KIF26B: variants seen among roughly 807,000 people sequenced by gnomAD.
The protein encoded by KIF26B is kinesin family member 26B.
KIF26B carries 63 observed loss-of-function variants against 151.2 expected under a neutral mutation model. The observed-to-expected ratio is 0.42, with a 90% CI of 0.34 to 0.51. KIF26B has a LOEUF of 0.51. Among genes scored for constraint, KIF26B ranks in the 20% least tolerant of loss-of-function variants. The probability of loss-of-function intolerance (pLI) is 0.07; values close to 1 mark genes in which losing one functional copy is unlikely to be tolerated. For synonymous variants in KIF26B, 1,357 were observed against 1,262.1 expected (o/e 1.08, Z -1.59); for missense variants, 2,813 against 2,913.6 (o/e 0.97, Z 0.79).
At chr1:245,629,214 C>T (rs2043755188) in intron 9 of KIF26B, among the ~76,000 whole-genome samples, 1 of 152,118 alleles carries the variant, frequency 6.6e-6, no homozygotes, top group Admixed American at 6.5e-5. Context: ...TCAAACTACA[C>T]TGACAGTCTT....
intron 4 of KIF26B, among the ~76,000 whole-genome samples, chr1:245,425,611 T>C (rs930301780): frequency 6.6e-6 from 1 of 152,198 alleles, no homozygotes; most frequent in Non-Finnish European, 1.5e-5. Flanking sequence ...TTCACCGTGT[T>C]GGCCAAGATG....
chr1:245,520,741 C>T (rs1558197429), intron 4 of KIF26B, among the ~76,000 whole-genome samples: 1 of 152,276 alleles, frequency 6.6e-6, no homozygotes, highest in East Asian at 1.9e-4. Flanking sequence ...GCCTCACTCT[C>T]ATGGAACTTA....
rs1669702413 is a variant in KIF26B, at chr1:245,218,917, T to C, written c.465+62234T>C. ...GACCTGAAACCCTTTCCCCGGTTCT[T>C]GTTGGCATTTCTGACTTTGCCATTT... On this transcript the variant is annotated intron_variant, in intron 2 of 14. Transcript: ENST00000407071. The surrounding 1 kb of genome is among the most constrained non-coding windows in gnomAD (Gnocchi z 4.1). Among the ~76,000 whole-genome samples, 1 of 152,072 alleles carries C rather than the reference T, an allele frequency of 6.6e-6. No individual in the cohort carries two copies. Among genetic ancestry groups the C allele is most frequent in the African/African-American group, 2.4e-5 (1 of 41,422 alleles).
chr1:245,365,639 T>C (rs936443842), intron 2 of KIF26B, among the ~76,000 whole-genome samples: 14 of 152,094 alleles, frequency 9.2e-5, no homozygotes, highest in African/African-American at 3.4e-4. Flanking sequence ...TAAATAAGCC[T>C]TGAGATGAGC....
intron 2 of KIF26B, among the ~76,000 whole-genome samples, chr1:245,197,782 A>G (rs1669220960): frequency 6.6e-6 from 1 of 152,196 alleles, no homozygotes; most frequent in Admixed American, 6.5e-5. Context: ...TTTAATGCCC[A>G]AAAGTAAAGT....
In KIF26B at chr1:245,213,430, C is replaced by G. The variant is rs142791283; in HGVS notation, c.465+56747C>G. The stretch of plus-strand genomic sequence containing the variant: ...TCTTTTAGCCAAAGCTGTGTTCCCT[C>G]TCTTTCTGAGAAGAGGGATCAGCAA... On this transcript the variant is annotated intron_variant, in intron 2 of 14. Coordinates refer to ENST00000407071, the MANE Select transcript of KIF26B (RefSeq NM_018012.4). Among the ~76,000 whole-genome samples, 13 of 152,354 alleles carry G rather than the reference C, an allele frequency of 8.5e-5. No homozygotes were observed. In the East Asian group the frequency reaches 2.3e-3, roughly 27 times the overall value.
intron 2 of KIF26B, among the ~76,000 whole-genome samples, chr1:245,191,601 T>G (rs2103533167): frequency 6.6e-6 from 1 of 152,308 alleles, no homozygotes; most frequent in South Asian, 2.1e-4. Context: ...CAGGTTTGAC[T>G]ACATAAAAAT....
intron 4 of KIF26B, among the ~76,000 whole-genome samples, chr1:245,538,999 A>G (rs1661543969): frequency 6.6e-6 from 1 of 152,050 alleles, no homozygotes; most frequent in Non-Finnish European, 1.5e-5. Context: ...AAGGGTAGCA[A>G]TGAGATGAAA....
At chr1:245,158,919 A>G (rs1668491054) in intron 2 of KIF26B, among the ~76,000 whole-genome samples, 1 of 152,028 alleles carries the variant, frequency 6.6e-6, no homozygotes, top group South Asian at 2.1e-4. Context: ...AATTTCCATT[A>G]TACCTTTAGC....
At chr1:245,427,059 C>T (rs752814926) in intron 4 of KIF26B, among the ~76,000 whole-genome samples, 3 of 152,190 alleles carry the variant, frequency 2.0e-5, no homozygotes, top group Admixed American at 6.5e-5. Flanking sequence ...CTGTCAGGTA[C>T]AGTTCCCTTT....
intron 5 of KIF26B, among the ~76,000 whole-genome samples, chr1:245,546,766 G>T (rs1009079402): frequency 6.6e-6 from 1 of 152,170 alleles, no homozygotes; most frequent in Non-Finnish European, 1.5e-5. Flanking sequence ...GGCGGGAACG[G>T]CATAAATAAT....
chr1:245,164,144 T>C (rs952713887), intron 2 of KIF26B, among the ~76,000 whole-genome samples: 1 of 152,226 alleles, frequency 6.6e-6, no homozygotes, highest in African/African-American at 2.4e-5. Flanking sequence ...CCTACTTTAG[T>C]GTTTTATTAG....
intron 11 of KIF26B, 88 bp from the exon 12 acceptor site, chr1:245,685,315 CAG>C: frequency 9.0e-7 from 1 of 1,114,640 alleles, no homozygotes; most frequent in Non-Finnish European, 1.3e-6. Flanking sequence ...CCTGTGTCGT[CAG>C]GGGCCTTCAC....
intron 2 of KIF26B, among the ~76,000 whole-genome samples, chr1:245,196,753 C>T (rs1356009370): frequency 2.6e-5 from 4 of 152,148 alleles, no homozygotes; most frequent in Non-Finnish European, 5.9e-5. Flanking sequence ...CAAAATCTTA[C>T]CCATCTATTA....
intron 3 of KIF26B, among the ~76,000 whole-genome samples, chr1:245,409,164 A>G (rs1001871523): frequency 6.6e-6 from 1 of 152,226 alleles, no homozygotes; most frequent in Admixed American, 6.5e-5. Context: ...TCACATGCAT[A>G]TGTGCAAAAC....
chr1:245,435,960 C>T (rs949290348), intron 4 of KIF26B, among the ~76,000 whole-genome samples: 4 of 152,002 alleles, frequency 2.6e-5, no homozygotes, highest in African/African-American at 9.7e-5. Flanking sequence ...GGGTGGATCA[C>T]GAGGTCAGGA....
intron 2 of KIF26B, among the ~76,000 whole-genome samples, chr1:245,198,676 G>A (rs188680239): frequency 6.6e-5 from 10 of 151,302 alleles, no homozygotes; most frequent in East Asian, 5.9e-4. Flanking sequence ...AGTCGAGATC[G>A]AGGTCGCACC....
intron 4 of KIF26B, among the ~76,000 whole-genome samples, chr1:245,476,915 G>A (rs1470431003): frequency 3.3e-5 from 5 of 151,816 alleles, no homozygotes; most frequent in African/African-American, 1.2e-4. Context: ...GGACAATGGA[G>A]CATATGTGTT....
chr1:245,530,307 G>T (rs1397443639), intron 4 of KIF26B, among the ~76,000 whole-genome samples: 1 of 152,142 alleles, frequency 6.6e-6, no homozygotes, highest in African/African-American at 2.4e-5. Flanking sequence ...GAACTACCAC[G>T]CAATCTAGCA....
Sources: gnomAD v4.1 joint callset for allele counts (sites outside exome capture counted in the v4.1 genomes callset) on GRCh38, gnomAD v4.1.1 for gene constraint, Gnocchi (gnomAD v3.1) non-coding constraint, MANE v1.5 for transcripts, NCBI Gene and HGNC (gene_info 2026-07-23, HGNC 2026-07-21) for gene names.